ZSWIM5: variants seen among roughly 807,000 people sequenced by gnomAD.
The protein encoded by ZSWIM5 is zinc finger SWIM domain-containing protein 5.
Under a neutral mutation model 119.6 loss-of-function variants are expected in ZSWIM5, and 55 were observed. That is an observed-to-expected ratio of 0.46 (90% confidence interval 0.37 to 0.58). The LOEUF (loss-of-function observed/expected upper bound fraction) is 0.58, where lower values mean the gene tolerates loss of function less well. Among genes scored for constraint, ZSWIM5 ranks in the 20% least tolerant of loss-of-function variants. The pLI, the probability that ZSWIM5 is intolerant of heterozygous loss-of-function variation, is 0.00. For synonymous variants in ZSWIM5, 537 were observed against 606.9 expected (o/e 0.88, Z 1.69); for missense variants, 1,193 against 1,512.8 (o/e 0.79, Z 3.51).
chr1:45,150,171 TAA>T (rs59869691), intron 1 of ZSWIM5, among the ~76,000 whole-genome samples: 9,738 of 93,022 alleles, frequency 0.1, 348 homozygotes, highest in Non-Finnish European at 0.13. Flanking sequence ...CTCTATCTCT[TAA>T]AAAAAAAAAA....
At chr1:45,054,107 C>G (rs1225045417) in intron 4 of ZSWIM5, among the ~76,000 whole-genome samples, 1 of 151,964 alleles carries the variant, frequency 6.6e-6, no homozygotes, top group Non-Finnish European at 1.5e-5. Flanking sequence ...TAGTGAGACC[C>G]TACCTCTACA....
intron 2 of ZSWIM5, among the ~76,000 whole-genome samples, chr1:45,078,108 G>C (rs1291118995): frequency 6.6e-6 from 1 of 152,096 alleles, no homozygotes; most frequent in Non-Finnish European, 1.5e-5. Context: ...AAAGCACAAG[G>C]GTATTGATTG....
intron 2 of ZSWIM5, among the ~76,000 whole-genome samples, chr1:45,068,714 C>T (rs771512007): frequency 1.1e-4 from 16 of 149,766 alleles, no homozygotes; most frequent in Non-Finnish European, 1.6e-4. Flanking sequence ...GATCCAACAT[C>T]GCTTATTGAA....
chr1:45,109,950 A>C (rs1199332718), intron 1 of ZSWIM5, among the ~76,000 whole-genome samples: 3 of 151,974 alleles, frequency 2.0e-5, no homozygotes, highest in African/African-American at 4.8e-5. Context: ...CTGCACTCTC[A>C]ATCTCCCAAG....
intron 2 of ZSWIM5, among the ~76,000 whole-genome samples, chr1:45,079,953 TCTGA>T (rs1645279162): frequency 6.6e-6 from 1 of 152,024 alleles, no homozygotes. Context: ...GCTTCATGAC[TCTGA>T]CTGGTGCCCT....
At chr1:45,096,989 A>C (rs553703718) in intron 1 of ZSWIM5, among the ~76,000 whole-genome samples, 7 of 152,324 alleles carry the variant, frequency 4.6e-5, no homozygotes, top group South Asian at 2.1e-4. Flanking sequence ...AAATGTATCA[A>C]AATGGCCTCA....
intron 1 of ZSWIM5, among the ~76,000 whole-genome samples, chr1:45,089,918 G>C (rs549985909): frequency 6.6e-6 from 1 of 152,342 alleles, no homozygotes; most frequent in South Asian, 2.1e-4. Context: ...GTAGAGACAG[G>C]AACAAAGGTG....
At chr1:45,048,157 C>T (rs1208910085) in intron 5 of ZSWIM5, among the ~76,000 whole-genome samples, 1 of 143,066 alleles carries the variant, frequency 7.0e-6, no homozygotes, top group Admixed American at 7.5e-5. Context: ...GACCGTGGCT[C>T]ATTGAAGCCT....
chr1:45,020,907 A>T, intron 11 of ZSWIM5, 119 bp from the exon 12 acceptor site: 1 of 1,231,710 alleles, frequency 8.1e-7, no homozygotes, highest in Non-Finnish European at 1.1e-6. Context: ...TCTGAATGCT[A>T]CCGCCCCTTC....
intron 11 of ZSWIM5, among the ~76,000 whole-genome samples, chr1:45,033,151 C>A (rs1051977727): frequency 1.3e-5 from 2 of 152,094 alleles, no homozygotes; most frequent in African/African-American, 4.8e-5. Flanking sequence ...CCAATAAGAT[C>A]AGTAAAAAAT....
At chr1:45,033,826 C>T (rs1427564972) in intron 11 of ZSWIM5, among the ~76,000 whole-genome samples, 4 of 151,176 alleles carry the variant, frequency 2.6e-5, no homozygotes. Flanking sequence ...TGGTATCCTA[C>T]AATTAGTAAC....
At chr1:45,064,872 G>A (rs1409598056) in intron 2 of ZSWIM5, among the ~76,000 whole-genome samples, 2 of 152,166 alleles carry the variant, frequency 1.3e-5, no homozygotes, top group Non-Finnish European at 2.9e-5. Context: ...TTTACTACAA[G>A]GCTATACTTT....
intron 1 of ZSWIM5, among the ~76,000 whole-genome samples, chr1:45,143,131 T>C (rs150985857): frequency 0.01 from 1,414 of 135,296 alleles, 24 homozygotes; most frequent in African/African-American, 0.038. Context: ...GAGATTGTGC[T>C]ACTGCACTCC....
chr1:45,162,017 C>G (rs913737184), intron 1 of ZSWIM5, among the ~76,000 whole-genome samples: 2 of 152,206 alleles, frequency 1.3e-5, no homozygotes, highest in African/African-American at 4.8e-5. Context: ...TCTATTACAA[C>G]AGCCATCCTA....
Position 45,206,356 on chromosome 1 carries a change from G to A in ZSWIM5, c.-6C>T. 1 of 1,423,256 alleles carries A rather than the reference G, an allele frequency of 7.0e-7. No individual in the cohort carries two copies. The highest frequency in any genetic ancestry group is 9.2e-7 in the Non-Finnish European group (1 of 1,088,724). The allele number at this position is 1,423,256 out of a possible 1,614,324, so 88.2% of individuals were successfully genotyped here. On this transcript the variant is annotated 5_prime_UTR_variant, in exon 1 of 14. Coordinates refer to ENST00000359600, the MANE Select transcript of ZSWIM5 (RefSeq NM_020883.2). ...CGCTCACCTCCGTCCGCCATTGCTG[G>A]GGACTGACTGACTGACTGAGGCGGC...
At chr1:45,048,774 T>C (rs1463393251) in intron 5 of ZSWIM5, among the ~76,000 whole-genome samples, 3 of 152,088 alleles carry the variant, frequency 2.0e-5, no homozygotes, top group Admixed American at 6.6e-5. Flanking sequence ...GATCAAATAA[T>C]TGAGAGGCCA....
At position 45,114,833 on chromosome 1, in the gene ZSWIM5, G is replaced by A. The variant is rs1171071811; in HGVS notation, c.596-26596C>T. Among the ~76,000 whole-genome samples, 3 of 152,130 alleles carry A rather than the reference G, an allele frequency of 2.0e-5. No homozygotes were observed. The East Asian group carries it at 5.8e-4, about 29-fold the overall frequency. ...GTGTCCCTTGGTACTTGAGATTAGG[G>A]AGTGGTGATGACTCTTAATGAGCAT... On this transcript the variant is annotated intron_variant, in intron 1 of 13. Coordinates refer to ENST00000359600, the MANE Select transcript of ZSWIM5 (RefSeq NM_020883.2).
chr1:45,141,362 G>A (rs765598407), intron 1 of ZSWIM5, among the ~76,000 whole-genome samples: 2 of 152,102 alleles, frequency 1.3e-5, no homozygotes, highest in African/African-American at 2.4e-5. Flanking sequence ...GAAGCCTCAG[G>A]GAACCAGAAA....
intron 1 of ZSWIM5, among the ~76,000 whole-genome samples, chr1:45,190,724 A>C (rs1478838796): frequency 6.6e-6 from 1 of 152,124 alleles, no homozygotes; most frequent in Non-Finnish European, 1.5e-5. Context: ...AGTTCTCTGA[A>C]AGGAAACACC....
Sources: gnomAD v4.1 joint callset for allele counts (sites outside exome capture counted in the v4.1 genomes callset) on GRCh38, gnomAD v4.1.1 for gene constraint, MANE v1.5 for transcripts, NCBI Gene and HGNC (gene_info 2026-07-23, HGNC 2026-07-21) for gene names.